ZCCHC7: variants seen among roughly 807,000 people sequenced by gnomAD.
ZCCHC7 encodes zinc finger CCHC domain-containing protein 7.
Under a neutral mutation model 52.0 loss-of-function variants are expected in ZCCHC7, and 35 were observed. That is an observed-to-expected ratio of 0.67 (90% confidence interval 0.51 to 0.89). ZCCHC7 has a LOEUF of 0.89. ZCCHC7 is among the 40% of genes least tolerant of loss of function. The pLI is 0.00. For missense variants in ZCCHC7, 574 were observed against 649.1 expected (o/e 0.88, Z 1.26); for synonymous variants, 217 against 221.5 (o/e 0.98, Z 0.18).
chr9:37,275,291 TCTC>T (rs1827627685), intron 2 of ZCCHC7, among the ~76,000 whole-genome samples: 1 of 151,408 alleles, frequency 6.6e-6, no homozygotes, highest in African/African-American at 2.4e-5. Context: ...ACTGATAACT[TCTC>T]CTAATCTATA....
intron 2 of ZCCHC7, among the ~76,000 whole-genome samples, chr9:37,225,776 T>G (rs1246470526): frequency 6.6e-6 from 1 of 152,178 alleles, no homozygotes; most frequent in Non-Finnish European, 1.5e-5. Flanking sequence ...TCTTGCAAAC[T>G]AGGAGTACAA....
At chr9:37,288,056 A>G (rs1050116328) in intron 2 of ZCCHC7, among the ~76,000 whole-genome samples, 1 of 152,102 alleles carries the variant, frequency 6.6e-6, no homozygotes, top group African/African-American at 2.4e-5. Flanking sequence ...AGGTAGGTGG[A>G]TGGCTTGAGC....
At chr9:37,156,286 T>A (rs1820810268) in intron 2 of ZCCHC7, among the ~76,000 whole-genome samples, 1 of 152,240 alleles carries the variant, frequency 6.6e-6, no homozygotes, top group Non-Finnish European at 1.5e-5. Context: ...TCCAGATGCG[T>A]GAATTGACAT....
At chr9:37,125,890 GT>G (rs1333082488) in intron 1 of ZCCHC7, among the ~76,000 whole-genome samples, 1 of 152,180 alleles carries the variant, frequency 6.6e-6, no homozygotes, top group East Asian at 1.9e-4. Flanking sequence ...ATACCATTGT[GT>G]TACAGTTACT....
At chr9:37,124,252 C>G (rs770507621) in intron 1 of ZCCHC7, among the ~76,000 whole-genome samples, 105 of 151,982 alleles carry the variant, frequency 6.9e-4, no homozygotes, top group Non-Finnish European at 1.3e-3. Context: ...TCATTTTAAT[C>G]AGTAGTCCAT....
chr9:37,272,492 A>T (rs548192534), intron 2 of ZCCHC7, among the ~76,000 whole-genome samples: 26 of 81,100 alleles, frequency 3.2e-4, no homozygotes, highest in South Asian at 4.3e-4. Context: ...GCTGTGTGGT[A>T]AAAAAAAAAA....
At chr9:37,122,567 G>A (rs565693720) in intron 1 of ZCCHC7, among the ~76,000 whole-genome samples, 1 of 152,278 alleles carries the variant, frequency 6.6e-6, no homozygotes, top group East Asian at 1.9e-4. Context: ...GTAAATTTAG[G>A]TGTTAGAACC....
chr9:37,263,360 T>C (rs2133455399), intron 2 of ZCCHC7, among the ~76,000 whole-genome samples: 1 of 152,196 alleles, frequency 6.6e-6, no homozygotes, highest in South Asian at 2.1e-4. Context: ...ATATTTTGTA[T>C]TTTTAAAATG....
chr9:37,127,617 C>G (rs1490856672), intron 2 of ZCCHC7, among the ~76,000 whole-genome samples: 1 of 152,188 alleles, frequency 6.6e-6, no homozygotes, highest in African/African-American at 2.4e-5. Flanking sequence ...TCATTTCCCT[C>G]CCTTTATGCC....
chr9:37,207,180 T>C (rs962913706), intron 2 of ZCCHC7, among the ~76,000 whole-genome samples: 5 of 152,202 alleles, frequency 3.3e-5, no homozygotes, highest in Admixed American at 6.5e-5. Flanking sequence ...TTGAAGTATA[T>C]GTAGTCCTTG....
chr9:37,300,430 A>G (rs1828982565), intron 2 of ZCCHC7, among the ~76,000 whole-genome samples: 1 of 152,236 alleles, frequency 6.6e-6, no homozygotes, highest in South Asian at 2.1e-4. Context: ...TGATGAAGGA[A>G]TAGAAGCTGC....
rs869266535 is a variant in ZCCHC7 at position 37,352,511 on chromosome 9, C to CTTTTTTTTTTTTTTTTT, written c.1084-2191_1084-2175dup. ...TACCTTTGCATAATCACAATTTGCT[C>CTTTTTTTTTTTTTTTTT]TTTTTTTTTTTTTTTTTTTTTTTTG... On this transcript the variant is annotated intron_variant, in intron 7 of 8. Coordinates refer to ENST00000336755, the MANE Select transcript of ZCCHC7 (RefSeq NM_032226.3). Among the ~76,000 whole-genome samples the CTTTTTTTTTTTTTTTTT allele has an allele frequency of 2.6e-4, 21 of 81,574 alleles. 2 individuals carry two copies. The highest frequency in any genetic ancestry group is 1.0e-3 in the African/African-American group (18 of 17,968). The allele number at this position is 81,574 out of a possible 152,430, so 53.5% of individuals were successfully genotyped here.
chr9:37,198,718 T>C (rs533676602), intron 2 of ZCCHC7, among the ~76,000 whole-genome samples: 1 of 152,346 alleles, frequency 6.6e-6, no homozygotes, highest in African/African-American at 2.4e-5. Flanking sequence ...AACTTGTGTA[T>C]ATTCTGCAGT....
rs781381091 is a variant in ZCCHC7 at position 37,357,028 on chromosome 9, C to T, written c.1392C>T (p.Asp464=). ...NRNWEKHRKA[D]RHREVDEDFP... is the part of the protein sequence containing the mutation. ...ACTGGGAGAAGCACAGGAAGGCTGA[C>T]AGACATCGTGAAGTGGATGAGGATT... The change falls in exon 9 of 9, where the codon GAC becomes GAT. Residue 464 remains aspartate, a synonymous_variant. Transcript: ENST00000336755. The T allele has an allele frequency of 6.2e-7, 1 of 1,613,790 alleles. No homozygotes were observed. Among genetic ancestry groups the T allele is most frequent in the South Asian group, 1.1e-5 (1 of 91,054 alleles).
chr9:37,328,508 A>G (rs533594659), intron 6 of ZCCHC7, among the ~76,000 whole-genome samples: 50 of 151,960 alleles, frequency 3.3e-4, no homozygotes, highest in Non-Finnish European at 6.5e-4. Context: ...TCAGTAATTC[A>G]CCATAGCCCT....
chr9:37,241,939 A>G (rs996797592), intron 2 of ZCCHC7, among the ~76,000 whole-genome samples: 1 of 151,802 alleles, frequency 6.6e-6, no homozygotes, highest in Admixed American at 6.6e-5. Flanking sequence ...AGAATATATA[A>G]TTCCAGTTCT....
At chr9:37,122,366 T>C (rs1216511722) in intron 1 of ZCCHC7, among the ~76,000 whole-genome samples, 4 of 152,260 alleles carry the variant, frequency 2.6e-5, no homozygotes, top group East Asian at 1.9e-4. Context: ...AATTCTTAGA[T>C]AAGTTTCATT....
At chr9:37,247,519 A>G (rs1470143983) in intron 2 of ZCCHC7, among the ~76,000 whole-genome samples, 1 of 152,234 alleles carries the variant, frequency 6.6e-6, no homozygotes, top group Non-Finnish European at 1.5e-5. Flanking sequence ...ATGTGGTATC[A>G]GTACCAGAAT....
chr9:37,291,605 T>A (rs1828540626), intron 2 of ZCCHC7, among the ~76,000 whole-genome samples: 1 of 152,218 alleles, frequency 6.6e-6, no homozygotes, highest in South Asian at 2.1e-4. Context: ...ATGAAAAATT[T>A]TTTTTCAATT....
Sources: allele counts gnomAD v4.1 joint callset (sites outside exome capture counted in the v4.1 genomes callset), GRCh38; gene constraint gnomAD v4.1.1; transcripts MANE v1.5; gene names NCBI Gene and HGNC (gene_info 2026-07-23, HGNC 2026-07-21).